The following DCPH1 variants were observed in gnomAD, a reference collection of about 807,000 sequenced individuals.
DCPH1 encodes the protein damage-control phosphatase 1.
the DCPH1 span, among the ~76,000 whole-genome samples, chr6:151,455,887 C>G: frequency 2.6e-5 from 4 of 152,414 alleles, no homozygotes; most frequent in African/African-American, 9.6e-5. Flanking sequence ...GCCTTCCGGC[C>G]TTCCGCAGTT....
the DCPH1 span, among the ~76,000 whole-genome samples, chr6:151,463,054 C>T: frequency 6.6e-6 from 1 of 152,088 alleles, no homozygotes; most frequent in African/African-American, 2.4e-5. Context: ...CAGCGGACAC[C>T]GAAATTTGAA....
At chr6:151,467,600 G>A in the DCPH1 span, among the ~76,000 whole-genome samples, 1 of 152,078 alleles carries the variant, frequency 6.6e-6, no homozygotes. Flanking sequence ...CAGGACTTGA[G>A]CCTTAGAGAG....
the DCPH1 span, among the ~76,000 whole-genome samples, chr6:151,453,954 C>T: frequency 9.2e-5 from 14 of 152,134 alleles, no homozygotes; most frequent in African/African-American, 3.1e-4. Context: ...AGCACGCCTT[C>T]ATTTGCTTAG....
At chr6:151,464,413 A>T in the DCPH1 span, 2 of 1,484,432 alleles carry the variant, frequency 1.3e-6, no homozygotes, top group Non-Finnish European at 9.3e-7. Context: ...ATCCAAATGT[A>T]CAAACTAAAA....
At chr6:151,458,534 T>A in the DCPH1 span, 1 of 1,612,412 alleles carries the variant, frequency 6.2e-7, no homozygotes, top group Non-Finnish European at 8.5e-7. Context: ...TGGTAGAATG[T>A]TACATGTATC....
At chr6:151,468,470 T>G in the DCPH1 span, 1 of 1,613,692 alleles carries the variant, frequency 6.2e-7, no homozygotes. Flanking sequence ...ATGGAACATC[T>G]TTGGTCATTG....
At chr6:151,466,481 A>G in the DCPH1 span, among the ~76,000 whole-genome samples, 5 of 152,146 alleles carry the variant, frequency 3.3e-5, no homozygotes, top group African/African-American at 1.2e-4. Flanking sequence ...CTCCCAAGTG[A>G]AGGGGGCCAG....
the DCPH1 span, among the ~76,000 whole-genome samples, chr6:151,458,794 C>G: frequency 1.1e-4 from 17 of 152,256 alleles, no homozygotes; most frequent in East Asian, 3.3e-3. Context: ...TTAACAGATT[C>G]TTGGCAATTA....
the DCPH1 span, chr6:151,469,209 C>A: frequency 1.0e-6 from 1 of 998,992 alleles, no homozygotes; most frequent in Non-Finnish European, 1.4e-6. Context: ...CGGCTCTGTA[C>A]GCGCTCAGGG....
At chr6:151,468,384 T>G in the DCPH1 span, 4 of 1,580,818 alleles carry the variant, frequency 2.5e-6, no homozygotes, top group East Asian at 4.5e-5. Context: ...CTCTCTCAGG[T>G]GGAGAAAGTA....
the DCPH1 span, chr6:151,452,512 C>T: frequency 1.2e-6 from 2 of 1,610,538 alleles, no homozygotes; most frequent in African/African-American, 1.3e-5. Flanking sequence ...GGCGATTGAA[C>T]AGCCGAGCTT....
At chr6:151,466,105 G>A in the DCPH1 span, among the ~76,000 whole-genome samples, 12 of 152,278 alleles carry the variant, frequency 7.9e-5, no homozygotes, top group Non-Finnish European at 1.6e-4. Context: ...TTTTAGTAGA[G>A]ACTGGGTTTC....
chr6:151,462,721 G>A, the DCPH1 span, among the ~76,000 whole-genome samples: 3 of 152,154 alleles, frequency 2.0e-5, no homozygotes, highest in Non-Finnish European at 4.4e-5. Flanking sequence ...GGGTCATAGT[G>A]TGTGTACATA....
At chr6:151,463,025 G>A in the DCPH1 span, among the ~76,000 whole-genome samples, 1 of 152,162 alleles carries the variant, frequency 6.6e-6, no homozygotes, top group Non-Finnish European at 1.5e-5. Flanking sequence ...GCATGGCTGT[G>A]TTCTAAAGAA....
chr6:151,454,647 C>G, the DCPH1 span: 1 of 1,477,984 alleles, frequency 6.8e-7, no homozygotes, highest in Non-Finnish European at 9.4e-7. Context: ...TTGAGAAACA[C>G]GGAGAGGTAA....
the DCPH1 span, among the ~76,000 whole-genome samples, chr6:151,453,347 T>C: frequency 6.6e-6 from 1 of 152,226 alleles, no homozygotes; most frequent in African/African-American, 2.4e-5. Flanking sequence ...ACAGTAATAC[T>C]TTCCAATTAA....
At chr6:151,468,264 T>TC in the DCPH1 span, 1 of 904,608 alleles carries the variant, frequency 1.1e-6, no homozygotes, top group Non-Finnish European at 1.7e-6. Context: ...TTTAGCAATG[T>TC]CCCCCCATCC....
the DCPH1 span, chr6:151,454,539 C>G: frequency 3.8e-6 from 5 of 1,324,322 alleles, no homozygotes; most frequent in South Asian, 1.2e-5. Context: ...GCATGTGACT[C>G]TTTTCTAGAT....
At chr6:151,454,835 A>AT in the DCPH1 span, among the ~76,000 whole-genome samples, 11 of 152,228 alleles carry the variant, frequency 7.2e-5, no homozygotes, top group Admixed American at 2.6e-4. Context: ...TTAGAAAATG[A>AT]TTGTGTTCCA....
Sources: allele counts gnomAD v4.1 joint callset (sites outside exome capture counted in the v4.1 genomes callset), GRCh38; gene constraint gnomAD v4.1.1; transcripts MANE v1.5; gene names NCBI Gene and HGNC (gene_info 2026-07-23, HGNC 2026-07-21).